SPOCK1: variants seen among roughly 807,000 people sequenced by gnomAD.
The protein encoded by SPOCK1 is SPARC (osteonectin), cwcv and kazal like domains proteoglycan 1, also known as testican-1.
Under a neutral mutation model 55.3 loss-of-function variants are expected in SPOCK1, and 23 were observed. That is an observed-to-expected ratio of 0.42 (90% CI 0.30 to 0.59). The LOEUF is 0.59. SPOCK1 is among the 20% of genes least tolerant of loss of function. The pLI is 0.22. For synonymous variants in SPOCK1, 226 were observed against 221.0 expected (o/e 1.02, Z -0.20); for missense variants, 499 against 552.5 (o/e 0.90, Z 0.97).
chr5:137,352,860 A>G (rs1483359607), intron 2 of SPOCK1, among the ~76,000 whole-genome samples: 1 of 152,190 alleles, frequency 6.6e-6, no homozygotes, highest in Non-Finnish European at 1.5e-5. Flanking sequence ...GTGATGTTTC[A>G]TGTGTGGTTG....
chr5:137,463,749 A>G (rs2149838059), intron 2 of SPOCK1, among the ~76,000 whole-genome samples: 1 of 151,996 alleles, frequency 6.6e-6, no homozygotes, highest in Admixed American at 6.5e-5. Flanking sequence ...GGAGTTTAAG[A>G]CCAGCTTGGC....
At position 137,191,117 on chromosome 5, in the gene SPOCK1, G is replaced by T. The variant is rs370090536; in HGVS notation, c.233-50423C>A. On this transcript the variant is annotated intron_variant, in intron 3 of 10. Coordinates refer to ENST00000394945, the MANE Select transcript of SPOCK1 (RefSeq NM_004598.4). ...TTTTCCCAGCTAGAAGCTACAGAGG[G>T]CCAGAAACAACAGGATATGGGAGAA... Among the ~76,000 whole-genome samples the T allele has an allele frequency of 9.9e-4, 150 of 152,282 alleles. 3 individuals are homozygous for T. In the South Asian group the frequency reaches 0.03, roughly 31 times the overall value.
rs554083676 is a variant in SPOCK1, at chr5:137,356,197, C to T, written c.187-89142G>A. Among the ~76,000 whole-genome samples the T allele has an allele frequency of 6.6e-5, 10 of 152,288 alleles. No individual in the cohort carries two copies. The East Asian group carries it at 1.9e-3, about 30-fold the overall frequency. On this transcript the variant is annotated intron_variant, in intron 2 of 10. Transcript: ENST00000394945. ...GGCTGACCATGCCATTTCCATTTGCCTAACTCTAACTCGGCCCCAGCCTAG... is the reference window on the plus strand; with the variant it reads ...GGCTGACCATGCCATTTCCATTTGCTTAACTCTAACTCGGCCCCAGCCTAG...
intron 3 of SPOCK1, among the ~76,000 whole-genome samples, chr5:137,198,776 G>A (rs1283323429): frequency 6.6e-6 from 1 of 152,032 alleles, no homozygotes; most frequent in East Asian, 1.9e-4. Flanking sequence ...ATCCAAACTT[G>A]TTTTAAGATT....
At chr5:137,065,783 G>A (rs1752497073) in intron 6 of SPOCK1, among the ~76,000 whole-genome samples, 1 of 152,116 alleles carries the variant, frequency 6.6e-6, no homozygotes, top group South Asian at 2.1e-4. Context: ...TGGTAATCTT[G>A]TTCTCACTGG....
At chr5:137,305,660 CTG>C (rs1441818293) in intron 2 of SPOCK1, among the ~76,000 whole-genome samples, 2 of 152,228 alleles carry the variant, frequency 1.3e-5, no homozygotes, top group Non-Finnish European at 2.9e-5. Flanking sequence ...ATGATCTCCG[CTG>C]TAAAAACACG....
At chr5:137,393,353 G>C (rs1255982080) in intron 2 of SPOCK1, among the ~76,000 whole-genome samples, 1 of 152,142 alleles carries the variant, frequency 6.6e-6, no homozygotes, top group Non-Finnish European at 1.5e-5. Flanking sequence ...ATCACCATGA[G>C]AACATGCCTG....
intron 2 of SPOCK1, among the ~76,000 whole-genome samples, chr5:137,452,381 G>A (rs1753272681): frequency 6.6e-6 from 1 of 152,106 alleles, no homozygotes; most frequent in Non-Finnish European, 1.5e-5. Context: ...AAGTCATTAT[G>A]AAGCCGTCAT....
At chr5:137,404,559 C>A (rs896631081) in intron 2 of SPOCK1, among the ~76,000 whole-genome samples, 3 of 148,746 alleles carry the variant, frequency 2.0e-5, no homozygotes, top group African/African-American at 7.4e-5. Flanking sequence ...ACAGGCCCTG[C>A]CACCACACCC....
At chr5:137,362,366 G>C (rs958522608) in intron 2 of SPOCK1, among the ~76,000 whole-genome samples, 1 of 140,316 alleles carries the variant, frequency 7.1e-6, no homozygotes, top group Non-Finnish European at 1.5e-5. Context: ...GTCTCGCTCT[G>C]TTGCCCAGGC....
chr5:137,498,298 A>ACACC, intron 2 of SPOCK1, 75 bp downstream of exon 2: 1 of 1,313,610 alleles, frequency 7.6e-7, no homozygotes, highest in Non-Finnish European at 1.0e-6. Flanking sequence ...ACACACACAC[A>ACACC]CACCCCAACC....
chr5:137,251,960 C>T lies in SPOCK1; in HGVS notation c.232+15050G>A, dbSNP rs144799721. ...TTCGAGACAGAGTCTTGCTCTGTTG[C>T]CCAGGCTGGAGTGCAGTGGTGCAAT... is the stretch of plus-strand genomic sequence containing the variant. On this transcript the variant is annotated intron_variant, in intron 3 of 10. Coordinates refer to ENST00000394945, the MANE Select transcript of SPOCK1 (RefSeq NM_004598.4). Among the ~76,000 whole-genome samples the T allele has an allele frequency of 1.8e-3, 271 of 151,610 alleles. 1 individual carries two copies. The East Asian group carries it at 0.018, about 10-fold the overall frequency.
chr5:137,108,331 A>C (rs1167739523), intron 5 of SPOCK1, among the ~76,000 whole-genome samples: 1 of 152,234 alleles, frequency 6.6e-6, no homozygotes, highest in Non-Finnish European at 1.5e-5. Flanking sequence ...AGTCTTCAGC[A>C]ATCAAAACAC....
At chr5:137,254,952 A>G (rs929610453) in intron 3 of SPOCK1, among the ~76,000 whole-genome samples, 7 of 152,340 alleles carry the variant, frequency 4.6e-5, no homozygotes, top group Admixed American at 1.3e-4. Context: ...CCCAATGCTA[A>G]TCAGTTACCA....
At chr5:136,981,214 A>G (rs776623239) in intron 9 of SPOCK1, among the ~76,000 whole-genome samples, 3 of 152,214 alleles carry the variant, frequency 2.0e-5, no homozygotes, top group Non-Finnish European at 4.4e-5. Flanking sequence ...GAGAACCACA[A>G]GTTTACAGTA....
intron 3 of SPOCK1, among the ~76,000 whole-genome samples, chr5:137,248,840 C>T (rs907805124): frequency 2.6e-5 from 4 of 152,202 alleles, no homozygotes; most frequent in African/African-American, 9.7e-5. Context: ...CTTTGAGGAA[C>T]ATTTACAGAG....
intron 5 of SPOCK1, among the ~76,000 whole-genome samples, chr5:137,078,861 A>AC (rs1473306788): frequency 6.6e-6 from 1 of 152,144 alleles, no homozygotes; most frequent in African/African-American, 2.4e-5. Context: ...GTGACACCCT[A>AC]CCCCAGCTTA....
At chr5:137,446,514 G>T (rs747057812) in intron 2 of SPOCK1, among the ~76,000 whole-genome samples, 1 of 152,184 alleles carries the variant, frequency 6.6e-6, no homozygotes, top group South Asian at 2.1e-4. Flanking sequence ...GTCTAACCTG[G>T]ATTCTGAGGA....
chr5:137,337,365 A>G (rs1750303671), intron 2 of SPOCK1, among the ~76,000 whole-genome samples: 2 of 152,172 alleles, frequency 1.3e-5, no homozygotes, highest in South Asian at 4.1e-4. Context: ...CCAATGACCA[A>G]AACACATTTC....
Sources: allele counts gnomAD v4.1 joint callset (sites outside exome capture counted in the v4.1 genomes callset), GRCh38; gene constraint gnomAD v4.1.1; transcripts MANE v1.5; gene names NCBI Gene and HGNC (gene_info 2026-07-23, HGNC 2026-07-21).